OGDH: variants seen among roughly 807,000 people sequenced by gnomAD.
The protein encoded by OGDH is oxoglutarate dehydrogenase.
A neutral mutation model predicts 116.6 loss-of-function variants in OGDH; 38 were observed. The observed-to-expected ratio is 0.33, with a 90% CI of 0.25 to 0.43. OGDH has a LOEUF of 0.43. Among genes scored for constraint, OGDH ranks in the 20% least tolerant of loss-of-function variants. The pLI is 1.00. For missense variants in OGDH, 825 were observed against 1,357.2 expected, an observed-to-expected ratio of 0.61 and a Z score of 6.16; for synonymous variants, 488 against 533.3, an observed-to-expected ratio of 0.92 and a Z score of 1.17.
intron 4 of OGDH, among the ~76,000 whole-genome samples, chr7:44,661,680 G>A (rs1031099779): frequency 6.6e-6 from 1 of 151,954 alleles, no homozygotes; most frequent in Non-Finnish European, 1.5e-5. Flanking sequence ...TTGGTGCACT[G>A]CAACCTCTGC....
intron 1 of OGDH, 48 bp from the exon 2 acceptor site, chr7:44,624,269 A>G: frequency 7.4e-7 from 1 of 1,347,626 alleles, no homozygotes; most frequent in Non-Finnish European, 1.0e-6. Flanking sequence ...CTAAATACTC[A>G]TTTTTAAAAC....
At chr7:44,611,415 C>T (rs912453815) in intron 1 of OGDH, among the ~76,000 whole-genome samples, 1 of 152,134 alleles carries the variant, frequency 6.6e-6, no homozygotes, top group Admixed American at 6.5e-5. Context: ...ACTACAGGTG[C>T]CCGCCACCAT....
intron 3 of OGDH, among the ~76,000 whole-genome samples, chr7:44,646,211 G>A (rs528804945): frequency 1.5e-4 from 23 of 152,344 alleles, no homozygotes; most frequent in African/African-American, 5.3e-4. Flanking sequence ...AAGGACGACA[G>A]GTAGAGACAA....
At chr7:44,663,939 C>CA (rs753085347) in intron 4 of OGDH, among the ~76,000 whole-genome samples, 197 of 117,586 alleles carry the variant, frequency 1.7e-3, no homozygotes, top group African/African-American at 4.0e-3. Flanking sequence ...GACCCTGTCT[C>CA]AAAAAAAAAA....
In OGDH at chr7:44,645,410, C is replaced by T. The variant is rs773361674; in HGVS notation, c.306C>T (p.Gly102=). The T allele has an allele frequency of 2.5e-6, 4 of 1,614,094 alleles. No individual in the cohort carries two copies. Among genetic ancestry groups the T allele is most frequent in the Non-Finnish European group, 3.4e-6 (4 of 1,180,048 alleles). ...AYQSPLPLSR[G]SLAAVAHAQS... is the part of the protein sequence containing the mutation. The stretch of plus-strand genomic sequence containing the variant: ...AGAGTCCCCTTCCCCTGAGCCGAGG[C>T]TCCCTGGCTGCTGTGGCCCATGCAC... Residue 102 remains glycine, a synonymous_variant, in exon 3 of 23, where the codon GGC becomes GGT. Coordinates refer to ENST00000222673, the MANE Select transcript of OGDH (RefSeq NM_002541.4).
intron 4 of OGDH, among the ~76,000 whole-genome samples, chr7:44,657,581 T>G (rs1198939972): frequency 6.6e-6 from 1 of 152,200 alleles, no homozygotes; most frequent in African/African-American, 2.4e-5. Flanking sequence ...GTTTTTAATC[T>G]TTTTTCCCCC....
chr7:44,625,194 G>A (rs138411400), intron 2 of OGDH, among the ~76,000 whole-genome samples: 144 of 152,136 alleles, frequency 9.5e-4, no homozygotes, highest in African/African-American at 3.3e-3. Flanking sequence ...GCGGGATCTC[G>A]GCTTGCTGCA....
intron 5 of OGDH, among the ~76,000 whole-genome samples, chr7:44,669,762 C>CT (rs1443716486): frequency 6.7e-6 from 1 of 148,938 alleles, no homozygotes; most frequent in African/African-American, 2.5e-5. Flanking sequence ...ACCCAGGAGT[C>CT]TAAGGCTGTA....
intron 9 of OGDH, among the ~76,000 whole-genome samples, chr7:44,679,365 A>T (rs1197930765): frequency 6.6e-6 from 1 of 152,222 alleles, no homozygotes; most frequent in Non-Finnish European, 1.5e-5. Context: ...GGGCCCCGTA[A>T]GCAAACCAGA....
At chr7:44,677,945 A>G (rs1388390937) in intron 9 of OGDH, among the ~76,000 whole-genome samples, 1 of 152,094 alleles carries the variant, frequency 6.6e-6, no homozygotes, top group East Asian at 1.9e-4. Context: ...TAAATACTGT[A>G]AATCTACTAC....
chr7:44,674,666 T>C, intron 7 of OGDH, 109 bp downstream of exon 7: 1 of 1,247,840 alleles, frequency 8.0e-7, no homozygotes, highest in Non-Finnish European at 1.1e-6. Flanking sequence ...TGAGTGCCAG[T>C]TGTGAGTCTG....
chr7:44,608,349 A>T (rs1784435865), intron 1 of OGDH, among the ~76,000 whole-genome samples: 1 of 152,024 alleles, frequency 6.6e-6, no homozygotes, highest in African/African-American at 2.4e-5. Context: ...TCCAAGCTGC[A>T]GTGAGCCATT....
At chr7:44,632,414 C>T (rs769121885) in intron 2 of OGDH, among the ~76,000 whole-genome samples, 8 of 152,344 alleles carry the variant, frequency 5.3e-5, no homozygotes, top group Middle Eastern at 3.4e-3. Flanking sequence ...CACTCCCCCA[C>T]GCCTCAGCTT....
intron 2 of OGDH, among the ~76,000 whole-genome samples, chr7:44,638,602 G>T (rs1258895002): frequency 6.6e-6 from 1 of 152,196 alleles, no homozygotes; most frequent in Non-Finnish European, 1.5e-5. Flanking sequence ...AACAGCAAGG[G>T]ATAATTAGGA....
At chr7:44,689,597 GC>G (rs1216463523) in intron 10 of OGDH, among the ~76,000 whole-genome samples, 1 of 151,496 alleles carries the variant, frequency 6.6e-6, no homozygotes, top group East Asian at 1.9e-4. Flanking sequence ...TTTTATTCTA[GC>G]CATCCTAGAA....
chr7:44,656,393 A>G (rs1409040609), intron 4 of OGDH: 3 of 1,531,932 alleles, frequency 2.0e-6, no homozygotes, highest in Non-Finnish European at 2.6e-6. Flanking sequence ...TCACCTTTTC[A>G]GAGTTGAGGA....
rs1401825949 is a variant in OGDH, at chr7:44,694,402, A to T, written c.1516-22A>T. 6.2e-7 allele frequency: 1 copy of T among 1,612,732 alleles called. No individual in the cohort carries two copies. Among genetic ancestry groups the T allele is most frequent in the Admixed American group, 1.7e-5 (1 of 59,980 alleles). Reference sequence around the variant, plus strand: ...CAAGGGGCCAGCCCTTGTCTCTGACATCCTCTCACTGCTCTGAGCAGGTGT... The same window carrying T: ...CAAGGGGCCAGCCCTTGTCTCTGACTTCCTCTCACTGCTCTGAGCAGGTGT... On this transcript the variant is annotated intron_variant, in intron 11 of 22. Transcript: ENST00000222673. The surrounding 1 kb of genome is among the most constrained non-coding windows in gnomAD (Gnocchi z 4.2).
chr7:44,644,561 GA>G (rs776155291), intron 2 of OGDH, among the ~76,000 whole-genome samples: 21 of 152,162 alleles, frequency 1.4e-4, no homozygotes, highest in Non-Finnish European at 2.2e-4. Flanking sequence ...TCATAGATGA[GA>G]AAACAGCACA....
At chr7:44,645,890 A>G (rs1200150207) in intron 3 of OGDH, among the ~76,000 whole-genome samples, 1 of 152,132 alleles carries the variant, frequency 6.6e-6, no homozygotes, top group Non-Finnish European at 1.5e-5. Flanking sequence ...TGGGTGGTTG[A>G]TGCCCCCTTC....
Sources: allele counts gnomAD v4.1 joint callset (sites outside exome capture counted in the v4.1 genomes callset), GRCh38; gene constraint gnomAD v4.1.1; non-coding constraint Gnocchi (gnomAD v3.1); transcripts MANE v1.5; gene names NCBI Gene and HGNC (gene_info 2026-07-23, HGNC 2026-07-21).